The following SLC39A11 variants were observed in gnomAD, a reference collection of about 807,000 sequenced individuals.
The protein encoded by SLC39A11 is solute carrier family 39 member 11, also known as zinc transporter ZIP11.
Under a neutral mutation model 36.1 loss-of-function variants are expected in SLC39A11, and 33 were observed. That is an observed-to-expected ratio of 0.91 (90% confidence interval 0.69 to 1.22). The LOEUF is 1.22. SLC39A11 is among the 50% of genes most tolerant of loss of function. The pLI is 0.00. For missense variants in SLC39A11, 432 were observed against 430.3 expected, an observed-to-expected ratio of 1.00 and a Z score of -0.03; for synonymous variants, 166 against 170.3, an observed-to-expected ratio of 0.97 and a Z score of 0.20.
At chr17:72,953,625 C>A (rs2086025625) in intron 4 of SLC39A11, among the ~76,000 whole-genome samples, 1 of 152,198 alleles carries the variant, frequency 6.6e-6, no homozygotes, top group South Asian at 2.1e-4. Flanking sequence ...GAGCTACCTG[C>A]ATATTAAGTC....
chr17:73,057,040 A>C (rs949702067), intron 3 of SLC39A11, among the ~76,000 whole-genome samples: 3 of 152,068 alleles, frequency 2.0e-5, no homozygotes, highest in Admixed American at 2.0e-4. Context: ...ACTCACTGCA[A>C]CCTCTGCCTC....
At chr17:72,727,321 T>C (rs779020535) in intron 7 of SLC39A11, among the ~76,000 whole-genome samples, 2 of 152,086 alleles carry the variant, frequency 1.3e-5, no homozygotes, top group East Asian at 1.9e-4. Context: ...TCCTCTGTGA[T>C]TGAAACAGAA....
rs138833517 is a variant in SLC39A11, at chr17:72,913,608, G to A, written c.430+34144C>T. On this transcript the variant is annotated intron_variant, in intron 5 of 9. Transcript: ENST00000255559. The stretch of plus-strand genomic sequence containing the variant: ...GAGGTAGAGATTTGGACTAATCACC[G>A]TGGGAAACAAATGAGAGCACAGCAA... Among the ~76,000 whole-genome samples the A allele has an allele frequency of 8.2e-4, 125 of 152,240 alleles. No individual in the cohort carries two copies. In the East Asian group the frequency reaches 0.016, roughly 20 times the overall value.
intron 4 of SLC39A11, among the ~76,000 whole-genome samples, chr17:72,987,358 CA>C (rs964971452): frequency 7.9e-5 from 12 of 152,254 alleles, no homozygotes; most frequent in African/African-American, 2.9e-4. Context: ...AGACACTCCA[CA>C]AGGACCTGAA....
At chr17:72,978,382 A>G (rs1280227311) in intron 4 of SLC39A11, among the ~76,000 whole-genome samples, 1 of 152,210 alleles carries the variant, frequency 6.6e-6, no homozygotes, top group Non-Finnish European at 1.5e-5. Context: ...TGGTGGGGAA[A>G]CCGATGATAA....
intron 4 of SLC39A11, among the ~76,000 whole-genome samples, chr17:73,026,246 G>A (rs892439747): frequency 7.2e-5 from 11 of 152,042 alleles, no homozygotes; most frequent in African/African-American, 1.4e-4. Flanking sequence ...GGGAAAAGCC[G>A]GCTGTGGTGG....
At chr17:73,014,858 T>C (rs2090722247) in intron 4 of SLC39A11, among the ~76,000 whole-genome samples, 1 of 152,134 alleles carries the variant, frequency 6.6e-6, no homozygotes, top group South Asian at 2.1e-4. Context: ...TATTCGTGCG[T>C]GACATCTTCC....
At chr17:72,862,845 G>A (rs73358746) in intron 5 of SLC39A11, among the ~76,000 whole-genome samples, 6,652 of 152,268 alleles carry the variant, frequency 0.044, 196 homozygotes, top group African/African-American at 0.08. Flanking sequence ...ATGTGCATGC[G>A]GGAGCAGACT....
rs137910209 is a variant in SLC39A11, at chr17:73,032,449, C to T, written c.148-735G>A. Among the ~76,000 whole-genome samples the T allele has an allele frequency of 3.2e-3, 482 of 152,192 alleles. 5 individuals are homozygous for T. Among genetic ancestry groups the T allele is most frequent in the African/African-American group, 0.01 (435 of 41,520 alleles). ...CTCAAACTCTTGAACTCAGGTGACCCACCCACCTCGGCCTCCCAAAGTGCT... is the reference window on the plus strand; with the variant it reads ...CTCAAACTCTTGAACTCAGGTGACCTACCCACCTCGGCCTCCCAAAGTGCT... On this transcript the variant is annotated intron_variant, in intron 3 of 9. Transcript: ENST00000255559.
chr17:72,721,758 T>C (rs2073689430), intron 7 of SLC39A11, among the ~76,000 whole-genome samples: 1 of 152,032 alleles, frequency 6.6e-6, no homozygotes, highest in African/African-American at 2.4e-5. Flanking sequence ...TCACTTGAGT[T>C]CAGGAGTTTG....
chr17:72,989,039 C>T (rs1321517827), intron 4 of SLC39A11, among the ~76,000 whole-genome samples: 2 of 152,200 alleles, frequency 1.3e-5, no homozygotes, highest in Non-Finnish European at 2.9e-5. Context: ...GATAAGACCT[C>T]ATCTTCATCT....
intron 4 of SLC39A11, among the ~76,000 whole-genome samples, chr17:73,009,987 G>A (rs1221007917): frequency 6.6e-6 from 1 of 151,842 alleles, no homozygotes; most frequent in African/African-American, 2.4e-5. Context: ...CCCAGGAGAT[G>A]AGTAGGTTCT....
chr17:72,698,399 G>A (rs767344575), intron 7 of SLC39A11, among the ~76,000 whole-genome samples: 34 of 150,724 alleles, frequency 2.3e-4, no homozygotes, highest in South Asian at 2.1e-4. Context: ...ACACACATAC[G>A]GGGTTTATTA....
At chr17:72,919,567 G>A (rs963320091) in intron 5 of SLC39A11, among the ~76,000 whole-genome samples, 1 of 151,948 alleles carries the variant, frequency 6.6e-6, no homozygotes, top group Admixed American at 6.6e-5. Flanking sequence ...AGCTACTCGG[G>A]GGGCTGAGGC....
chr17:72,804,894 C>T (rs1049785008), intron 6 of SLC39A11, among the ~76,000 whole-genome samples: 2 of 152,078 alleles, frequency 1.3e-5, no homozygotes, highest in Admixed American at 6.5e-5. Context: ...GTGGCGTGCA[C>T]CTTTAATCCC....
chr17:73,073,010 T>A (rs1174354498), intron 3 of SLC39A11, among the ~76,000 whole-genome samples: 6 of 152,082 alleles, frequency 3.9e-5, no homozygotes. Context: ...TGAAACTCCA[T>A]CTCTACTAAA....
chr17:73,062,474 A>AC (rs1555698601), intron 3 of SLC39A11, among the ~76,000 whole-genome samples: 4 of 143,634 alleles, frequency 2.8e-5, no homozygotes, highest in African/African-American at 5.1e-5. Flanking sequence ...AAAAAAAAAA[A>AC]AAAACTTTAG....
intron 3 of SLC39A11, among the ~76,000 whole-genome samples, chr17:73,076,997 C>T (rs930558162): frequency 2.0e-5 from 3 of 151,946 alleles, no homozygotes; most frequent in African/African-American, 7.3e-5. Context: ...CCACTAGATA[C>T]CCACGTGGCA....
chr17:72,934,635 C>T (rs1229080085), intron 5 of SLC39A11, among the ~76,000 whole-genome samples: 1 of 152,102 alleles, frequency 6.6e-6, no homozygotes, highest in Non-Finnish European at 1.5e-5. Flanking sequence ...CACTGCACTC[C>T]AGCCTGGGCA....
Sources: gnomAD v4.1 joint callset for allele counts (sites outside exome capture counted in the v4.1 genomes callset) on GRCh38, gnomAD v4.1.1 for gene constraint, MANE v1.5 for transcripts, NCBI Gene and HGNC (gene_info 2026-07-23, HGNC 2026-07-21) for gene names.